GUCY1A2: variants seen among roughly 807,000 people sequenced by gnomAD.
GUCY1A2 encodes the protein guanylate cyclase soluble subunit alpha-2.
Under a neutral mutation model 63.5 loss-of-function variants are expected in GUCY1A2, and 27 were observed. The ratio of observed to expected loss-of-function variants is 0.43; its 90% CI spans 0.31 to 0.59. The LOEUF is 0.59. Among genes scored for constraint, GUCY1A2 ranks in the 20% least tolerant of loss-of-function variants. GUCY1A2 has a pLI of 0.11. For synonymous variants in GUCY1A2, 364 were observed against 343.5 expected (o/e 1.06, Z -0.66); for missense variants, 768 against 913.3 (o/e 0.84, Z 2.05).
chr11:107,005,502 G>A (rs1018356568), intron 1 of GUCY1A2, among the ~76,000 whole-genome samples: 9 of 152,030 alleles, frequency 5.9e-5, no homozygotes, highest in Admixed American at 2.6e-4. Context: ...TCAAACTCCC[G>A]GGCTCAAGCG....
chr11:106,731,310 G>A (rs1024959019), intron 6 of GUCY1A2, among the ~76,000 whole-genome samples: 1 of 152,124 alleles, frequency 6.6e-6, no homozygotes, highest in Non-Finnish European at 1.5e-5. Context: ...AAAAGATGCA[G>A]AAAAGGCTTT....
intron 7 of GUCY1A2, among the ~76,000 whole-genome samples, chr11:106,703,481 A>ATGAT (rs946709416): frequency 2.3e-4 from 35 of 152,084 alleles, no homozygotes; most frequent in African/African-American, 8.2e-4. Flanking sequence ...AAGATATGTG[A>ATGAT]TGATAGAAGT....
At chr11:106,771,565 TAGAG>T (rs1481792235) in intron 6 of GUCY1A2, among the ~76,000 whole-genome samples, 1 of 152,054 alleles carries the variant, frequency 6.6e-6, no homozygotes, top group Non-Finnish European at 1.5e-5. Context: ...TTGGGCAACA[TAGAG>T]AGACCCCCAT....
intron 3 of GUCY1A2, among the ~76,000 whole-genome samples, chr11:106,966,858 A>G (rs1861132673): frequency 6.6e-6 from 1 of 152,212 alleles, no homozygotes; most frequent in African/African-American, 2.4e-5. Context: ...AGAAGTAAAC[A>G]CGTTTGGCAG....
chr11:106,977,636 G>T (rs780178062), intron 3 of GUCY1A2, among the ~76,000 whole-genome samples: 42 of 152,164 alleles, frequency 2.8e-4, no homozygotes, highest in Non-Finnish European at 5.9e-4. Context: ...ATAGACCCTT[G>T]GGTTGGGGTA....
At chr11:106,860,366 C>T (rs1859494175) in intron 4 of GUCY1A2, among the ~76,000 whole-genome samples, 1 of 151,464 alleles carries the variant, frequency 6.6e-6, no homozygotes, top group Admixed American at 6.6e-5. Context: ...TAGTATTTAT[C>T]AAACATTTTA....
intron 5 of GUCY1A2, among the ~76,000 whole-genome samples, chr11:106,794,030 A>G (rs10890589): frequency 0.27 from 41,588 of 152,050 alleles, 5,901 homozygotes; most frequent in Non-Finnish European, 0.31. Flanking sequence ...AGGATTTTGA[A>G]GAGATATCTG....
At chr11:106,697,468 C>T (rs1264959150) in intron 7 of GUCY1A2, among the ~76,000 whole-genome samples, 2 of 152,120 alleles carry the variant, frequency 1.3e-5, no homozygotes, top group Non-Finnish European at 1.5e-5. Flanking sequence ...TTAAATAATA[C>T]AATTCATGAT....
chr11:106,813,580 T>C (rs1158493087), intron 4 of GUCY1A2, among the ~76,000 whole-genome samples: 1 of 152,118 alleles, frequency 6.6e-6, no homozygotes, highest in African/African-American at 2.4e-5. Flanking sequence ...GCCTAATCCA[T>C]GCTCTCATGG....
chr11:106,776,124 G>A (rs1255071691), intron 6 of GUCY1A2, among the ~76,000 whole-genome samples: 3 of 152,024 alleles, frequency 2.0e-5, no homozygotes, highest in South Asian at 2.1e-4. Context: ...CTAAAACTCC[G>A]AATCTCATCA....
At chr11:106,924,609 G>C (rs1418473258) in intron 4 of GUCY1A2, among the ~76,000 whole-genome samples, 1 of 152,144 alleles carries the variant, frequency 6.6e-6, no homozygotes, top group East Asian at 1.9e-4. Flanking sequence ...CATCCAAGAA[G>C]TAGGCCTTAG....
At chr11:106,887,586 G>A (rs1433871449) in intron 4 of GUCY1A2, among the ~76,000 whole-genome samples, 1 of 152,160 alleles carries the variant, frequency 6.6e-6, no homozygotes, top group African/African-American at 2.4e-5. Context: ...AGCCACCAAA[G>A]CCCTGCTGAG....
intron 4 of GUCY1A2, among the ~76,000 whole-genome samples, chr11:106,855,110 T>C (rs979121042): frequency 6.6e-6 from 1 of 152,054 alleles, no homozygotes; most frequent in Admixed American, 6.6e-5. Context: ...AGTGGCTCCA[T>C]GCTGCAGCTG....
chr11:106,947,635 A>G (rs1860848410), intron 3 of GUCY1A2, among the ~76,000 whole-genome samples: 1 of 152,060 alleles, frequency 6.6e-6, no homozygotes, highest in Non-Finnish European at 1.5e-5. Context: ...AATATTTTAA[A>G]GATTTTACAG....
At chr11:106,715,607 A>T (rs1009053339) in intron 6 of GUCY1A2, among the ~76,000 whole-genome samples, 3 of 152,200 alleles carry the variant, frequency 2.0e-5, no homozygotes, top group Non-Finnish European at 4.4e-5. Context: ...TAGTTACACA[A>T]TTATTAAATC....
At chr11:106,978,464 C>A (rs1419668793) in intron 3 of GUCY1A2, among the ~76,000 whole-genome samples, 155 bp downstream of exon 3, 4 of 152,166 alleles carry the variant, frequency 2.6e-5, no homozygotes, top group Admixed American at 2.0e-4. Flanking sequence ...ACTCAAACAT[C>A]TTCAGGAGAG....
At chr11:107,015,875 G>C (rs1184563024) in intron 1 of GUCY1A2, among the ~76,000 whole-genome samples, 3 of 152,118 alleles carry the variant, frequency 2.0e-5, no homozygotes, top group Non-Finnish European at 2.9e-5. Flanking sequence ...TCTGAGGATT[G>C]TTTTCTAGGT....
chr11:106,989,477 T>A (rs1482288662), intron 1 of GUCY1A2, among the ~76,000 whole-genome samples: 3 of 152,104 alleles, frequency 2.0e-5, no homozygotes, highest in African/African-American at 4.8e-5. Flanking sequence ...TGCACTGAAA[T>A]AATTAGAGCA....
intron 6 of GUCY1A2, among the ~76,000 whole-genome samples, chr11:106,728,718 A>C (rs1034523583): frequency 3.3e-5 from 5 of 152,314 alleles, no homozygotes; most frequent in African/African-American, 1.2e-4. Context: ...TTTTATAATT[A>C]CCGAAGATCA....
Sources: gnomAD v4.1 joint callset for allele counts (sites outside exome capture counted in the v4.1 genomes callset) on GRCh38, gnomAD v4.1.1 for gene constraint, MANE v1.5 for transcripts, NCBI Gene and HGNC (gene_info 2026-07-23, HGNC 2026-07-21) for gene names.